The following CEP83 variants were observed in gnomAD, a reference collection of about 807,000 sequenced individuals.
The protein encoded by CEP83 is centrosomal protein 83, also known as centrosomal protein of 83 kDa.
In CEP83, 70 loss-of-function variants were observed where a neutral mutation model predicts 101.9. That is an observed-to-expected ratio of 0.69 (90% CI 0.57 to 0.84). The LOEUF (loss-of-function observed/expected upper bound fraction) is 0.84. Among genes scored for constraint, CEP83 ranks in the 40% least tolerant of loss-of-function variants. The probability of loss-of-function intolerance (pLI) is 0.00; values close to 1 mark genes in which losing one functional copy is unlikely to be tolerated. For missense variants in CEP83, 715 were observed against 787.2 expected, an observed-to-expected ratio of 0.91 and a Z score of 1.10; for synonymous variants, 264 against 267.9, an observed-to-expected ratio of 0.99 and a Z score of 0.14.
intron 14 of CEP83, among the ~76,000 whole-genome samples, chr12:94,326,581 T>C (rs145298123): frequency 9.2e-5 from 14 of 152,226 alleles, no homozygotes; most frequent in Admixed American, 3.3e-4. Context: ...CACCCTAGAG[T>C]AACCTTATTT....
intron 6 of CEP83, among the ~76,000 whole-genome samples, chr12:94,398,382 C>T (rs1337244600): frequency 2.0e-5 from 3 of 151,998 alleles, no homozygotes; most frequent in East Asian, 1.9e-4. Flanking sequence ...ATGGAGGGAC[C>T]GGCTGGAGTC....
At chr12:94,446,766 AGTG>A (rs2066837445) in intron 1 of CEP83, among the ~76,000 whole-genome samples, 1 of 152,332 alleles carries the variant, frequency 6.6e-6, no homozygotes, top group Admixed American at 6.5e-5. Context: ...CGAAATATGC[AGTG>A]GGAGTTCTAG....
intron 4 of CEP83, among the ~76,000 whole-genome samples, chr12:94,406,342 A>T (rs2063530538): frequency 6.6e-6 from 1 of 150,600 alleles, no homozygotes; most frequent in African/African-American, 2.5e-5. Flanking sequence ...AAAACAAAAC[A>T]AAACAAAAAC....
At chr12:94,298,274 T>C in the CEP83 span, among the ~76,000 whole-genome samples, 5 of 152,204 alleles carry the variant, frequency 3.3e-5, no homozygotes, top group Admixed American at 6.5e-5. Context: ...CACTTGAGCT[T>C]TTCCAGGCTG....
the CEP83 span, among the ~76,000 whole-genome samples, chr12:94,272,990 C>T: frequency 1.3e-5 from 2 of 152,186 alleles, no homozygotes; most frequent in Non-Finnish European, 2.9e-5. Context: ...CTCTTCGCTT[C>T]GCAGCCCAGA....
At chr12:94,449,778 A>AT (rs2067103878) in intron 1 of CEP83, among the ~76,000 whole-genome samples, 1 of 128,992 alleles carries the variant, frequency 7.8e-6, no homozygotes, top group Non-Finnish European at 1.7e-5. Flanking sequence ...GTCTCAAACA[A>AT]TAAAAAAAAA....
At chr12:94,441,257 T>C (rs1303619155) in intron 1 of CEP83, among the ~76,000 whole-genome samples, 4 of 151,776 alleles carry the variant, frequency 2.6e-5, no homozygotes, top group Admixed American at 2.6e-4. Flanking sequence ...TGGGAGAAAA[T>C]ATTCACAAAC....
At chr12:94,352,797 A>G (rs1413267066) in intron 11 of CEP83, among the ~76,000 whole-genome samples, 6 of 152,204 alleles carry the variant, frequency 3.9e-5, no homozygotes, top group African/African-American at 1.4e-4. Flanking sequence ...ATCCAGTCAG[A>G]CAAATAATAA....
At chr12:94,432,540 A>T (rs2065717216) in intron 2 of CEP83, among the ~76,000 whole-genome samples, 1 of 152,214 alleles carries the variant, frequency 6.6e-6, no homozygotes, top group Non-Finnish European at 1.5e-5. Flanking sequence ...GCTTAAAAAA[A>T]GTTGATCTCA....
intron 16 of CEP83, among the ~76,000 whole-genome samples, 189 bp from the exon 17 acceptor site, chr12:94,309,106 T>C (rs558628650): frequency 1.3e-5 from 2 of 152,314 alleles, no homozygotes; most frequent in Non-Finnish European, 1.5e-5. Flanking sequence ...CCTCAGGCTC[T>C]AGCCTTAAGC....
intron 2 of CEP83, among the ~76,000 whole-genome samples, chr12:94,428,681 C>T (rs2065390625): frequency 6.6e-6 from 1 of 152,174 alleles, no homozygotes; most frequent in Admixed American, 6.5e-5. Flanking sequence ...TCAAGACACA[C>T]AGGTTAATGT....
intron 14 of CEP83, among the ~76,000 whole-genome samples, chr12:94,316,620 G>A (rs1307548571): frequency 6.6e-6 from 1 of 151,956 alleles, no homozygotes; most frequent in African/African-American, 2.4e-5. Context: ...GCTCCCCTTT[G>A]TGTCCATGTG....
intron 11 of CEP83, among the ~76,000 whole-genome samples, chr12:94,346,441 C>T (rs1440688248): frequency 6.9e-6 from 1 of 144,102 alleles, no homozygotes; most frequent in South Asian, 2.2e-4. Flanking sequence ...GAGCGAGACG[C>T]CGTCTCAAAA....
the CEP83 span, among the ~76,000 whole-genome samples, chr12:94,280,776 G>A: frequency 2.6e-5 from 4 of 152,206 alleles, no homozygotes; most frequent in African/African-American, 4.8e-5. Flanking sequence ...GGCATACCCC[G>A]CCCGACAGTC....
At chr12:94,458,464 T>C (rs1566271985) in intron 1 of CEP83, among the ~76,000 whole-genome samples, 1 of 151,744 alleles carries the variant, frequency 6.6e-6, no homozygotes, top group Non-Finnish European at 1.5e-5. Flanking sequence ...TCTGGCCTGG[T>C]GCGGTGGCTC....
At chr12:94,358,446 A>G (rs192422263) in intron 11 of CEP83, among the ~76,000 whole-genome samples, 103 of 152,354 alleles carry the variant, frequency 6.8e-4, no homozygotes, top group Non-Finnish European at 2.5e-4. Flanking sequence ...GCCATTGTTA[A>G]GCCTCCAGAA....
At chr12:94,422,991 T>C (rs1174248681) in intron 2 of CEP83, among the ~76,000 whole-genome samples, 1 of 152,220 alleles carries the variant, frequency 6.6e-6, no homozygotes, top group African/African-American at 2.4e-5. Flanking sequence ...TGCTGGGTCA[T>C]GGAGCAGGTT....
chr12:94,452,215 G>C (rs542188965), intron 1 of CEP83, among the ~76,000 whole-genome samples: 104 of 152,246 alleles, frequency 6.8e-4, no homozygotes, highest in South Asian at 2.1e-3. Flanking sequence ...AAATAAGCTT[G>C]AGAGAATCTA....
intron 14 of CEP83, among the ~76,000 whole-genome samples, chr12:94,316,920 T>A (rs1345837077): frequency 6.6e-6 from 1 of 152,146 alleles, no homozygotes; most frequent in Non-Finnish European, 1.5e-5. Flanking sequence ...AGATTTATAT[T>A]CCTTTGAGTA....
Sources: gnomAD v4.1 joint callset for allele counts (sites outside exome capture counted in the v4.1 genomes callset) on GRCh38, gnomAD v4.1.1 for gene constraint, MANE v1.5 for transcripts, NCBI Gene and HGNC (gene_info 2026-07-23, HGNC 2026-07-21) for gene names.